STX7: variants seen among roughly 807,000 people sequenced by gnomAD.
The protein encoded by STX7 is syntaxin-7.
STX7 carries 34 observed loss-of-function variants against 39.6 expected under a neutral mutation model. The ratio of observed to expected loss-of-function variants is 0.86; its 90% CI spans 0.65 to 1.14. The LOEUF is 1.14. Among genes scored for constraint, STX7 ranks in the 50% most tolerant of loss-of-function variants. The probability of loss-of-function intolerance (pLI) is 0.00; values close to 1 mark genes in which losing one functional copy is unlikely to be tolerated. For synonymous variants in STX7, 119 were observed against 99.1 expected (o/e 1.20, Z -1.19); for missense variants, 284 against 310.4 (o/e 0.92, Z 0.64).
chr6:132,495,467 G>A (rs1273782999), intron 2 of STX7, among the ~76,000 whole-genome samples: 1 of 152,114 alleles, frequency 6.6e-6, no homozygotes. Context: ...ATTTTAGGAG[G>A]AGGGAAGCAA....
intron 2 of STX7, among the ~76,000 whole-genome samples, chr6:132,489,999 T>C (rs746335089): frequency 2.6e-5 from 4 of 152,224 alleles, no homozygotes; most frequent in African/African-American, 4.8e-5. Context: ...GCTGGAACAT[T>C]ACAAGCTGGG....
rs1159110961 is a variant in STX7, at chr6:132,458,012, G to T, written c.*2746C>A. 1 of 152,126 alleles carries T rather than the reference G, an allele frequency of 6.6e-6. No homozygotes were observed. Among genetic ancestry groups the T allele is most frequent in the Non-Finnish European group, 1.5e-5 (1 of 68,022 alleles). 9.4% of individuals were successfully genotyped at this position (152,126 alleles called of 1,614,324 possible). ...TTATACCAACTACATAAACTATTTT[G>T]TACTTTCCTTGCTAAACCACAGATG... On this transcript the variant is annotated 3_prime_UTR_variant, in exon 10 of 10. Transcript: ENST00000367941.
At position 132,478,334 on chromosome 6, in the gene STX7, A is replaced by G. The variant is rs1397661919; in HGVS notation, c.86-2672T>C. On this transcript the variant is annotated intron_variant, in intron 2 of 9. Transcript: ENST00000367941. Reference sequence around the variant, plus strand: ...GAATGCTATATAAAATTACTCAGCCAATTAAAGAATTGAGTAGAAATGGAT... The same window carrying G: ...GAATGCTATATAAAATTACTCAGCCGATTAAAGAATTGAGTAGAAATGGAT... Among the ~76,000 whole-genome samples, 3 of 152,196 alleles carry G rather than the reference A, an allele frequency of 2.0e-5. No individual in the cohort carries two copies. The South Asian group carries it at 6.2e-4, about 31-fold the overall frequency.
chr6:132,473,288 T>A (rs947108111), intron 3 of STX7, among the ~76,000 whole-genome samples: 1 of 152,204 alleles, frequency 6.6e-6, no homozygotes, highest in African/African-American at 2.4e-5. Context: ...AAGTAAATTA[T>A]AGTCATCCCT....
At chr6:132,461,701 T>C in intron 9 of STX7, 1 of 860,986 alleles carries the variant, frequency 1.2e-6, no homozygotes, top group Non-Finnish European at 1.7e-6. Context: ...GGAAACTACA[T>C]TCAAAATCTC....
chr6:132,482,560 TC>T (rs1216816040), intron 2 of STX7, among the ~76,000 whole-genome samples: 2 of 152,230 alleles, frequency 1.3e-5, no homozygotes, highest in Non-Finnish European at 2.9e-5. Flanking sequence ...AAAACTTTTT[TC>T]AATGTGCTAA....
In STX7 at chr6:132,458,227, T is replaced by C. The variant is rs1421905001; in HGVS notation, c.*2531A>G. ...TGTCCTTGGTCACCAATGCAGATGC[T>C]ACTGGGGCAGCCAGCGGGCTCAGAG... On this transcript the variant is annotated 3_prime_UTR_variant, in exon 10 of 10. Transcript: ENST00000367941. The C allele has an allele frequency of 2.6e-5, 4 of 152,226 alleles. No homozygotes were observed. The highest frequency in any genetic ancestry group is 5.9e-5 in the Non-Finnish European group (4 of 68,042). The allele number at this position is 152,226 out of a possible 1,614,324, so 9.4% of individuals were successfully genotyped here.
intron 2 of STX7, among the ~76,000 whole-genome samples, chr6:132,482,363 G>A (rs1214149004): frequency 6.6e-6 from 1 of 152,138 alleles, no homozygotes; most frequent in African/African-American, 2.4e-5. Context: ...CTGATCAGGT[G>A]ATAAAGGGCT....
rs540128588 is a variant in STX7, at chr6:132,479,906, C to T, written c.86-4244G>A. On this transcript the variant is annotated intron_variant, in intron 2 of 9. Transcript: ENST00000367941. ...CTTTACAAACACTTTCAATAACGTGCTAATTTAAAAATAAAAAGTAAACTA... is the reference window on the plus strand; with the variant it reads ...CTTTACAAACACTTTCAATAACGTGTTAATTTAAAAATAAAAAGTAAACTA... Among the ~76,000 whole-genome samples the T allele has an allele frequency of 7.7e-4, 118 of 152,270 alleles. 1 individual carries two copies. The highest frequency in any genetic ancestry group is 2.8e-3 in the African/African-American group (117 of 41,532).
chr6:132,471,408 G>A lies in STX7; in HGVS notation c.387+55C>T. On this transcript the variant is annotated intron_variant, in intron 5 of 9. Coordinates refer to ENST00000367941, the MANE Select transcript of STX7 (RefSeq NM_003569.3). ...AAATTATGCTACTATAGACTTTTAT[G>A]GGACCCTTAGCAAGTAACCATGTTC... The A allele has an allele frequency of 2.6e-6, 4 of 1,548,978 alleles. 1 individual carries two copies. In the Admixed American group the frequency reaches 8.0e-5, roughly 31 times the overall value.
chr6:132,469,826 G>A (rs1015588922), intron 7 of STX7, 125 bp downstream of exon 7: 6 of 670,546 alleles, frequency 8.9e-6, no homozygotes, highest in African/African-American at 7.8e-5. Flanking sequence ...GTGACAGAGG[G>A]AGACTGTCTC....
At chr6:132,503,987 C>T (rs1166556860) in intron 1 of STX7, among the ~76,000 whole-genome samples, 1 of 152,206 alleles carries the variant, frequency 6.6e-6, no homozygotes, top group Non-Finnish European at 1.5e-5. Flanking sequence ...TAAAACAACT[C>T]TTAGCACAAA....
chr6:132,491,457 C>T (rs1775285697), intron 2 of STX7, among the ~76,000 whole-genome samples: 1 of 152,154 alleles, frequency 6.6e-6, no homozygotes, highest in Non-Finnish European at 1.5e-5. Flanking sequence ...ACGCAGAACA[C>T]ATCAGGCCTC....
chr6:132,488,145 T>C (rs1444728194), intron 2 of STX7, among the ~76,000 whole-genome samples: 2 of 152,222 alleles, frequency 1.3e-5, no homozygotes, highest in East Asian at 1.9e-4. Flanking sequence ...CTTTGATCCA[T>C]AGCTTATTTG....
chr6:132,465,369 G>A (rs559814467), intron 8 of STX7, among the ~76,000 whole-genome samples: 5 of 152,082 alleles, frequency 3.3e-5, no homozygotes, highest in Admixed American at 2.6e-4. Flanking sequence ...CTTCTTCACT[G>A]TCCCTCACAT....
intron 8 of STX7, among the ~76,000 whole-genome samples, chr6:132,464,546 GAAAC>G (rs68070307): frequency 0.24 from 35,769 of 151,864 alleles, 4,546 homozygotes; most frequent in East Asian, 0.54. Flanking sequence ...TCCTCAGAGG[GAAAC>G]AAACAAACAG....
At position 132,460,605 on chromosome 6, in the gene STX7, A is replaced by C. The variant is rs1331936529; in HGVS notation, c.*153T>G. ...ATTAGAAAATATCAGATTTAATCCA[A>C]AGGAACCACCCCAACCCCCCCAATA... On this transcript the variant is annotated 3_prime_UTR_variant, in exon 10 of 10. Transcript: ENST00000367941. The C allele has an allele frequency of 1.5e-5, 8 of 520,136 alleles. No homozygotes were observed. In the East Asian group the frequency reaches 2.6e-4, roughly 17 times the overall value. 32.2% of individuals were successfully genotyped at this position (520,136 alleles called of 1,614,324 possible). A position where few individuals can be genotyped will look rare whatever the true frequency, so the allele number is the denominator to read the frequency against.
At chr6:132,504,309 T>C (rs911774225) in intron 1 of STX7, among the ~76,000 whole-genome samples, 2 of 152,174 alleles carry the variant, frequency 1.3e-5, no homozygotes, top group Admixed American at 6.5e-5. Flanking sequence ...CAAACCTTCC[T>C]GACAGAGGAA....
In STX7 at chr6:132,458,775, T is replaced by A. The variant is rs1774313472; in HGVS notation, c.*1983A>T. The A allele has an allele frequency of 6.6e-6, 1 of 152,194 alleles. No homozygotes were observed. The allele number at this position is 152,194 out of a possible 1,614,324, so 9.4% of individuals were successfully genotyped here. A position where few individuals can be genotyped will look rare whatever the true frequency, so the allele number is the denominator to read the frequency against. On this transcript the variant is annotated 3_prime_UTR_variant, in exon 10 of 10. Coordinates refer to ENST00000367941, the MANE Select transcript of STX7 (RefSeq NM_003569.3). ...AAATTTTTCCCTCAAACTTAATATG[T>A]TTCTTAAACAAATTGAAGCCACTAA...
Sources: allele counts gnomAD v4.1 joint callset (sites outside exome capture counted in the v4.1 genomes callset), GRCh38; gene constraint gnomAD v4.1.1; transcripts MANE v1.5; gene names NCBI Gene and HGNC (gene_info 2026-07-23, HGNC 2026-07-21).